Variants in SNRPA1 observed in about 807,000 individuals in gnomAD.
The protein encoded by SNRPA1 is U2 small nuclear ribonucleoprotein A'.
In SNRPA1, 5 loss-of-function variants were observed where a neutral mutation model predicts 32.3. The observed-to-expected ratio is 0.15, with a 90% CI of 0.08 to 0.33. SNRPA1 has a LOEUF of 0.33. Ranked by LOEUF, SNRPA1 falls within the 10% of genes least tolerant of loss-of-function variation. The pLI is 1.00. For missense variants in SNRPA1, 198 were observed against 311.1 expected, an observed-to-expected ratio of 0.64 and a Z score of 2.74; for synonymous variants, 111 against 120.1, an observed-to-expected ratio of 0.92 and a Z score of 0.50.
At chr15:101,294,922 T>C (rs2039571072) in intron 1 of SNRPA1, 175 bp downstream of exon 1, 1 of 463,916 alleles carries the variant, frequency 2.2e-6, no homozygotes. Flanking sequence ...CTTAACCGGA[T>C]GCTCATCTGG....
Position 101,290,287 on chromosome 15 carries a change from G to A in SNRPA1, c.309+1675C>T, listed in dbSNP as rs187956609. ...ACATACCTCTCTCAATAACTGATAA[G>A]CCCAGTAGTCTTCATCTTTGCAAAG... On this transcript the variant is annotated intron_variant, in intron 3 of 8. Coordinates refer to ENST00000254193, the MANE Select transcript of SNRPA1 (RefSeq NM_003090.4). 1.7e-3 allele frequency among the ~76,000 whole-genome samples: 263 copies of A among 152,254 alleles called. 1 individual carries two copies. Among genetic ancestry groups the A allele is most frequent in the Non-Finnish European group, 1.7e-3 (117 of 68,018 alleles).
At chr15:101,281,909 C>G in intron 8 of SNRPA1, 127 bp from the exon 9 acceptor site, 2 of 857,718 alleles carry the variant, frequency 2.3e-6, no homozygotes, top group Non-Finnish European at 3.8e-6. Flanking sequence ...TCAAAAGCAG[C>G]ACCTGCCTTT....
chr15:101,287,160 A>G (rs1438604725), intron 4 of SNRPA1, 150 bp from the exon 5 acceptor site: 2 of 514,718 alleles, frequency 3.9e-6, no homozygotes, highest in South Asian at 2.9e-5. Flanking sequence ...AAGGAAATAT[A>G]TTCAATCTTT....
intron 1 of SNRPA1, chr15:101,294,876 TCAAGA>T (rs1241589429): frequency 4.7e-6 from 2 of 429,956 alleles, no homozygotes; most frequent in Non-Finnish European, 4.2e-6. Context: ...CCCGTGCCTG[TCAAGA>T]GGCACGGCGC....
At chr15:101,286,530 T>C in intron 5 of SNRPA1, 1 of 507,230 alleles carries the variant, frequency 2.0e-6, no homozygotes, top group South Asian at 3.1e-5. Flanking sequence ...AGAAGGCAAT[T>C]AAATGAATAA....
At chr15:101,293,237 T>A in intron 1 of SNRPA1, 65 bp from the exon 2 acceptor site, 1 of 1,117,726 alleles carries the variant, frequency 8.9e-7, no homozygotes, top group Non-Finnish European at 1.3e-6. Context: ...CCTTAAAGCA[T>A]TAGCTGTATT....
chr15:101,286,949 G>A lies in SNRPA1; in HGVS notation c.418C>T (p.Pro140Ser), dbSNP rs767869756. The A allele has an allele frequency of 1.2e-6, 2 of 1,607,358 alleles. No individual in the cohort carries two copies. The highest frequency in any genetic ancestry group is 2.2e-5 in the South Asian group (2 of 90,780). Residue 140 changes from proline (P) to serine (S), a missense_variant, in exon 5 of 9, where the codon CCG becomes TCG. Around this residue, in one of 3 missense-constraint regions of SNRPA1, gnomAD observed 119 missense variants for 171.6 expected, o/e 0.69. Transcript: ENST00000254193. The part of the protein sequence containing the change: ...HYRLYVIYKV[P>S]QVRVLDFQKV... ...TGGAAATCCAGTACTCTGACTTGCG[G>A]AACTTTATAAATCACATACAATCTG...
intron 3 of SNRPA1, 174 bp from the exon 4 acceptor site, chr15:101,287,876 A>C: frequency 1.7e-6 from 1 of 585,168 alleles, no homozygotes; most frequent in Non-Finnish European, 3.1e-6. Flanking sequence ...CTACCGATGA[A>C]TACATGGGAG....
At chr15:101,284,102 C>A (rs1002284347) in intron 8 of SNRPA1, among the ~76,000 whole-genome samples, 7 of 152,192 alleles carry the variant, frequency 4.6e-5, no homozygotes, top group African/African-American at 1.2e-4. Flanking sequence ...TCCCTAGTGC[C>A]CCACATGCAG....
intron 8 of SNRPA1, among the ~76,000 whole-genome samples, chr15:101,284,564 G>A (rs567265158): frequency 6.7e-6 from 1 of 148,424 alleles, no homozygotes; most frequent in South Asian, 2.1e-4. Flanking sequence ...GTACAAAAGT[G>A]CGATCTCGGC....
At position 101,281,725 on chromosome 15, in the gene SNRPA1, C is replaced by A; in HGVS notation, c.767G>T (p.Ter256LeuextTer22). 1 of 1,612,004 alleles carries A rather than the reference C, an allele frequency of 6.2e-7. No homozygotes were observed. The highest frequency in any genetic ancestry group is 8.5e-7 in the Non-Finnish European group (1 of 1,178,018). The change falls in exon 9 of 9, where the codon TGA becomes TTA. Residue 256 changes from the stop codon to leucine, a stop_lost. Transcript: ENST00000254193. ...MEEDTVTNGS[*>L] ...ATTATTATACATCTGCCTCACTGCT[C>A]AGGACCCGTTTGTGACTGTGTCTTC...
intron 8 of SNRPA1, 80 bp from the exon 9 acceptor site, chr15:101,281,862 C>T: frequency 7.3e-7 from 1 of 1,361,726 alleles, no homozygotes; most frequent in Middle Eastern, 1.8e-4. Context: ...TGTTCTGTGG[C>T]CACTGTTTGT....
At chr15:101,292,070 T>G in intron 2 of SNRPA1, 30 bp from the exon 3 acceptor site, 1 of 1,486,932 alleles carries the variant, frequency 6.7e-7, no homozygotes, top group Non-Finnish European at 9.4e-7. Context: ...TTAGTAAAAG[T>G]GAAAATTAAA....
chr15:101,293,613 A>G lies in SNRPA1; in HGVS notation c.83-441T>C, dbSNP rs76061617. On this transcript the variant is annotated intron_variant, in intron 1 of 8. Transcript: ENST00000254193. ...CTCCACTCTTGCATCTCCACAGGCCAGATTCTTAGAACCCATCAGAACAGC... is the reference window on the plus strand; with the variant it reads ...CTCCACTCTTGCATCTCCACAGGCCGGATTCTTAGAACCCATCAGAACAGC... Among the ~76,000 whole-genome samples, 619 of 152,300 alleles carry G rather than the reference A, an allele frequency of 4.1e-3. 35 individuals carry two copies. In the East Asian group the frequency reaches 0.098, roughly 24 times the overall value.
chr15:101,288,834 A>ATT (rs2039486559), intron 3 of SNRPA1, among the ~76,000 whole-genome samples: 1 of 152,208 alleles, frequency 6.6e-6, no homozygotes, highest in Non-Finnish European at 1.5e-5. Flanking sequence ...AGCATGTTCC[A>ATT]ATAATGACTA....
Position 101,286,677 on chromosome 15 carries a change from GCA to G in SNRPA1, c.459+229_459+230del, listed in dbSNP as rs2039458726. The stretch of plus-strand genomic sequence containing the variant: ...GTTAAGACTGCTCACCGTGGCCTCA[GCA>G]CTTTGCGAACTTCGGAATAGCCAGC... On this transcript the variant is annotated intron_variant, in intron 5 of 8. Transcript: ENST00000254193. The G allele has an allele frequency of 6.1e-6, 3 of 495,144 alleles. No individual in the cohort carries two copies. The East Asian group carries it at 1.1e-4, about 17-fold the overall frequency. The allele number at this position is 495,144 out of a possible 1,614,324, so 30.7% of individuals were successfully genotyped here.
intron 1 of SNRPA1, chr15:101,294,762 C>A: frequency 3.2e-6 from 1 of 315,822 alleles, no homozygotes. Flanking sequence ...TGCGTTACAA[C>A]CATTAATGAG....
chr15:101,283,433 G>T (rs1403824402), intron 8 of SNRPA1, among the ~76,000 whole-genome samples: 1 of 151,884 alleles, frequency 6.6e-6, no homozygotes, highest in Non-Finnish European at 1.5e-5. Context: ...ATGCTTGGTG[G>T]CGGGCGCCTG....
Position 101,295,206 on chromosome 15 carries a change from T to A in SNRPA1, c.-28A>T. On this transcript the variant is annotated 5_prime_UTR_variant, in exon 1 of 9. Transcript: ENST00000254193. ...TGCAGCCTCCCGTTCCCCCGCGCTG[T>A]GGAAAGCCCGTGGCCTCCCGCCAGC... 1 of 1,510,854 alleles carries A rather than the reference T, an allele frequency of 6.6e-7. No homozygotes were observed. Among genetic ancestry groups the A allele is most frequent in the Non-Finnish European group, 8.8e-7 (1 of 1,131,170 alleles). The allele number at this position is 1,510,854 out of a possible 1,614,324, so 93.6% of individuals were successfully genotyped here.
Sources: allele counts gnomAD v4.1 joint callset (sites outside exome capture counted in the v4.1 genomes callset), GRCh38; gene constraint gnomAD v4.1.1; regional missense constraint gnomAD v4.1.1; transcripts MANE v1.5; gene names NCBI Gene and HGNC (gene_info 2026-07-23, HGNC 2026-07-21).